The following ATR variants were observed in gnomAD, a reference collection of about 807,000 sequenced individuals.
ATR encodes ATR checkpoint kinase, also known as serine/threonine-protein kinase ATR.
ATR carries 142 observed loss-of-function variants against 305.3 expected under a neutral mutation model. That is an observed-to-expected ratio of 0.47 (90% confidence interval 0.41 to 0.53). The LOEUF (loss-of-function observed/expected upper bound fraction) is 0.53, where lower values mean the gene tolerates loss of function less well. Among genes scored for constraint, ATR ranks in the 20% least tolerant of loss-of-function variants. The probability of loss-of-function intolerance (pLI) is 0.00; values close to 1 mark genes in which losing one functional copy is unlikely to be tolerated. For missense variants in ATR, 2,135 were observed against 3,133.1 expected (o/e 0.68, Z 7.60); for synonymous variants, 1,050 against 1,068.1 (o/e 0.98, Z 0.33).
intron 45 of ATR, among the ~76,000 whole-genome samples, chr3:142,454,736 C>T (rs542141006): frequency 6.2e-4 from 94 of 152,224 alleles, no homozygotes; most frequent in Non-Finnish European, 1.2e-3. Context: ...CCACCGCGCC[C>T]GGCCCGATAG....
At chr3:142,569,052 T>C (rs983976857) in intron 1 of ATR, among the ~76,000 whole-genome samples, 2 of 152,086 alleles carry the variant, frequency 1.3e-5, no homozygotes, top group African/African-American at 4.8e-5. Flanking sequence ...CAGGAACAGC[T>C]TGAAGCCTGG....
chr3:142,504,130 T>C (rs1317877905), intron 29 of ATR, among the ~76,000 whole-genome samples: 1 of 152,196 alleles, frequency 6.6e-6, no homozygotes, highest in South Asian at 2.1e-4. Context: ...AGAAAGAATC[T>C]AAAGGCAAGA....
At chr3:142,525,565 T>C (rs2033344652) in intron 21 of ATR, among the ~76,000 whole-genome samples, 1 of 152,174 alleles carries the variant, frequency 6.6e-6, no homozygotes, top group Non-Finnish European at 1.5e-5. Flanking sequence ...CCATTCCAAA[T>C]CTCATATTGA....
chr3:142,562,056 A>T (rs980281357), intron 4 of ATR, among the ~76,000 whole-genome samples, 176 bp downstream of exon 4: 1 of 151,482 alleles, frequency 6.6e-6, no homozygotes, highest in Non-Finnish European at 1.5e-5. Flanking sequence ...ATCCTTCTGA[A>T]ATCAAAGTAA....
At chr3:142,556,668 AT>A (rs2034685631) in intron 8 of ATR, 93 bp from the exon 9 acceptor site, 2 of 1,126,924 alleles carry the variant, frequency 1.8e-6, no homozygotes, top group African/African-American at 1.6e-5. Flanking sequence ...ACATTTGTGT[AT>A]ACATATATAT....
chr3:142,474,031 A>G (rs1440032969), intron 36 of ATR, among the ~76,000 whole-genome samples: 1 of 147,938 alleles, frequency 6.8e-6, no homozygotes, highest in African/African-American at 2.5e-5. Context: ...GGTTCAAGCA[A>G]TTTTCCTGCC....
intron 13 of ATR, among the ~76,000 whole-genome samples, chr3:142,551,418 G>C (rs542097520): frequency 3.0e-4 from 45 of 152,256 alleles, no homozygotes; most frequent in African/African-American, 1.0e-3. Context: ...CTGGACAACA[G>C]AGTGAAATTT....
At chr3:142,519,810 A>G in intron 23 of ATR, 26 bp from the exon 24 acceptor site, 2 of 1,489,576 alleles carry the variant, frequency 1.3e-6, no homozygotes, top group Middle Eastern at 1.7e-4. Context: ...TTACATTTGT[A>G]AGTCCACAGT....
At chr3:142,484,412 C>A (rs563427716) in intron 36 of ATR, among the ~76,000 whole-genome samples, 2 of 152,266 alleles carry the variant, frequency 1.3e-5, no homozygotes, top group East Asian at 3.9e-4. Context: ...TGGAGGCTGA[C>A]AGGAGGGTGA....
rs1409107745 is a variant in ATR, at chr3:142,493,230, T to C, written c.5980A>G (p.Lys1994Glu). Residue 1994 changes from lysine (K) to glutamate (E), a missense_variant, in exon 35 of 47, where the codon AAG becomes GAG. Physicochemically the swap from Lys to Glu is moderately conservative, Grantham distance 56. This residue lies in a region of ATR where 462 missense variants were observed against 887.6 expected (regional missense o/e 0.52). Transcript: ENST00000350721. The part of the protein sequence containing the change: ...FPENETPPEG[K>E]NMLIHGRAML... ...GCTCGACCATGGATTAACATGTTCT[T>C]ACCCTCAGGTGGGGTTTCATTTTCA... is the stretch of plus-strand genomic sequence containing the variant. 6.2e-7 allele frequency: 1 copy of C among 1,613,958 alleles called. No individual in the cohort carries two copies. The highest frequency in any genetic ancestry group is 8.5e-7 in the Non-Finnish European group (1 of 1,179,982).
chr3:142,506,722 A>G (rs2032257963), intron 28 of ATR, among the ~76,000 whole-genome samples: 1 of 152,180 alleles, frequency 6.6e-6, no homozygotes, highest in South Asian at 2.1e-4. Flanking sequence ...AGAAGGGAAG[A>G]AAAAGAATAT....
chr3:142,476,319 C>G (rs952301996), intron 36 of ATR, among the ~76,000 whole-genome samples: 6 of 152,110 alleles, frequency 3.9e-5, no homozygotes, highest in African/African-American at 1.4e-4. Flanking sequence ...TACAGCTAGC[C>G]AGTTTTCCCA....
chr3:142,462,705 T>C (rs2071046609), intron 41 of ATR, among the ~76,000 whole-genome samples: 2 of 152,160 alleles, frequency 1.3e-5, no homozygotes, highest in Non-Finnish European at 2.9e-5. Context: ...CCTGACCTAG[T>C]GATCCGCCTG....
intron 1 of ATR, among the ~76,000 whole-genome samples, chr3:142,576,672 A>G (rs569751746): frequency 6.6e-6 from 1 of 152,386 alleles, no homozygotes; most frequent in East Asian, 1.9e-4. Context: ...AACTACACAT[A>G]GGACACTCAG....
At chr3:142,470,849 GAAAAGTT>G (rs2071245906) in intron 36 of ATR, among the ~76,000 whole-genome samples, 1 of 152,074 alleles carries the variant, frequency 6.6e-6, no homozygotes, top group Non-Finnish European at 1.5e-5. Context: ...TAAAATTTGT[GAAAAGTT>G]AAAGTTCTCT....
intron 25 of ATR, among the ~76,000 whole-genome samples, chr3:142,514,053 AG>A (rs1177825962): frequency 1.3e-5 from 2 of 150,912 alleles, no homozygotes; most frequent in Non-Finnish European, 3.0e-5. Context: ...GAGGATCACG[AG>A]GTCAAGAGAT....
At chr3:142,501,291 C>CTT (rs10636786) in intron 30 of ATR, among the ~76,000 whole-genome samples, 96,012 of 151,788 alleles carry the variant, frequency 0.63, 31,351 homozygotes, top group African/African-American at 0.8. Context: ...AGCCATGACT[C>CTT]TCCCAAATCC....
intron 27 of ATR, among the ~76,000 whole-genome samples, chr3:142,509,423 C>T (rs572477496): frequency 9.9e-5 from 15 of 152,078 alleles, no homozygotes; most frequent in African/African-American, 3.1e-4. Flanking sequence ...CTCGGCCTCC[C>T]AAAGTGCTAG....
chr3:142,457,903 G>T, intron 44 of ATR, 148 bp from the exon 45 acceptor site: 1 of 870,842 alleles, frequency 1.1e-6, no homozygotes. Flanking sequence ...TTTGTAACAT[G>T]AAGGAGCCAT....
Sources: gnomAD v4.1 joint callset for allele counts (sites outside exome capture counted in the v4.1 genomes callset) on GRCh38, gnomAD v4.1.1 for gene constraint, gnomAD v4.1.1 regional missense constraint, MANE v1.5 for transcripts, NCBI Gene and HGNC (gene_info 2026-07-23, HGNC 2026-07-21) for gene names.